The following SUMF2 variants were observed in gnomAD, a reference collection of about 807,000 sequenced individuals.
SUMF2 encodes inactive C-alpha-formylglycine-generating enzyme 2.
In SUMF2, 45 loss-of-function variants were observed where a neutral mutation model predicts 44.8. That is an observed-to-expected ratio of 1.00 (90% CI 0.79 to 1.29). SUMF2 has a LOEUF of 1.29. SUMF2 is among the 50% of genes most tolerant of loss of function. SUMF2 has a pLI of 0.00. For missense variants in SUMF2, 418 were observed against 389.9 expected, an observed-to-expected ratio of 1.07 and a Z score of -0.61; for synonymous variants, 148 against 150.4, an observed-to-expected ratio of 0.98 and a Z score of 0.12.
At position 56,078,476 on chromosome 7, in the gene SUMF2, C is replaced by T. The variant is rs1480458970; in HGVS notation, c.789C>T (p.Gly263=). The T allele has an allele frequency of 2.5e-6, 4 of 1,593,602 alleles. No individual in the cohort carries two copies. The highest frequency in any genetic ancestry group is 3.5e-5 in the Admixed American group (2 of 57,102). The change falls in exon 8 of 9, where the codon GGC becomes GGT. Residue 263 remains glycine (G), a synonymous_variant. Coordinates refer to ENST00000434526, the MANE Select transcript of SUMF2 (RefSeq NM_015411.4). ...RGASWIDTAD[G]SANHRARVTT... is the part of the protein sequence containing the mutation. ...CATCCTGGATCGACACAGCTGATGG[C>T]TCTGCCAATCACCGGGCCCGGGTCA...
chr7:56,080,639 G>A lies in SUMF2; in HGVS notation c.*1027G>A, dbSNP rs2117522675. 1 of 217,986 alleles carries A rather than the reference G, an allele frequency of 4.6e-6. No individual in the cohort carries two copies. Among genetic ancestry groups the A allele is most frequent in the South Asian group, 7.3e-5 (1 of 13,668 alleles). 13.5% of individuals were successfully genotyped at this position (217,986 alleles called of 1,614,324 possible). The stretch of plus-strand genomic sequence containing the variant: ...CCACACTGTCACTGGATGTCATGGG[G>A]CCAATAAAATCTCCTGCAATTGTGT... On this transcript the variant is annotated 3_prime_UTR_variant, in exon 9 of 9. Coordinates refer to ENST00000434526, the MANE Select transcript of SUMF2 (RefSeq NM_015411.4).
intron 2 of SUMF2, among the ~76,000 whole-genome samples, chr7:56,072,737 A>G (rs1421616773): frequency 6.9e-6 from 1 of 145,850 alleles, no homozygotes; most frequent in Admixed American, 6.7e-5. Flanking sequence ...TAAATACACA[A>G]ATAAACAAAC....
downstream of SUMF2, chr7:56,084,334 ACCCCAG>A (rs1796157625): frequency 3.0e-6 from 2 of 675,882 alleles, no homozygotes; most frequent in Non-Finnish European, 5.0e-6. Flanking sequence ...CTGGCCCAGG[ACCCCAG>A]ACCCAGATCA....
At chr7:56,087,096 C>G in the SUMF2 span, 1 of 1,173,040 alleles carries the variant, frequency 8.5e-7, no homozygotes, top group Non-Finnish European at 1.3e-6. Flanking sequence ...GCACGGGGGT[C>G]AGGGACCGAG....
chr7:56,087,115 G>C, the SUMF2 span: 1 of 924,382 alleles, frequency 1.1e-6, no homozygotes, highest in East Asian at 2.4e-5. Flanking sequence ...AGGCTGCTGT[G>C]GGCTAACTTC....
At chr7:56,087,053 A>T in the SUMF2 span, 1 of 1,594,114 alleles carries the variant, frequency 6.3e-7, no homozygotes, top group African/African-American at 1.3e-5. Context: ...GCTTGTCTCA[A>T]GTAGCAGGGG....
chr7:56,065,253 C>T (rs1019516481), intron 1 of SUMF2, among the ~76,000 whole-genome samples: 14 of 151,584 alleles, frequency 9.2e-5, no homozygotes, highest in Non-Finnish European at 1.5e-4. Flanking sequence ...CCCGCCCCCA[C>T]GTACTCGGCC....
At chr7:56,087,510 G>C in the SUMF2 span, 7 of 1,326,080 alleles carry the variant, frequency 5.3e-6, no homozygotes, top group Non-Finnish European at 7.4e-6. Flanking sequence ...CTAGTTGGCT[G>C]TGCGGTGGGG....
chr7:56,068,536 G>T lies in SUMF2; in HGVS notation c.122G>T (p.Gly41Val). ...VQLQGGRFLMGTNSPDSRDGD... is the reference protein window; with the variant it reads ...VQLQGGRFLMVTNSPDSRDGD... ...CTGCAGGGTGGGAGATTCCTGATGG[G>T]AACAAATTCTCCAGACAGCAGAGAT... is the stretch of plus-strand genomic sequence containing the variant. The change falls in exon 2 of 9, where the codon GGA (glycine) becomes GTA (valine). Residue 41 changes from glycine to valine, a missense_variant. Coordinates refer to ENST00000434526, the MANE Select transcript of SUMF2 (RefSeq NM_015411.4). 1 of 1,613,918 alleles carries T rather than the reference G, an allele frequency of 6.2e-7. No homozygotes were observed. The highest frequency in any genetic ancestry group is 8.5e-7 in the Non-Finnish European group (1 of 1,179,962).
At chr7:56,085,254 C>A (rs1382455122), downstream of SUMF2, among the ~76,000 whole-genome samples, 1 of 151,990 alleles carries the variant, frequency 6.6e-6, no homozygotes, top group African/African-American at 2.4e-5. Flanking sequence ...AACCACCATG[C>A]CTGGCCTTAA....
At chr7:56,082,783 A>G (rs1796073153), downstream of SUMF2, among the ~76,000 whole-genome samples, 1 of 152,042 alleles carries the variant, frequency 6.6e-6, no homozygotes, top group Admixed American at 6.6e-5. Flanking sequence ...AACAAGGGTA[A>G]TGGGAACCTG....
chr7:56,064,487 AGCGGCAGGCTGGGGAGGTAGCTCTCGGT>A lies in SUMF2; in HGVS notation c.67+113_67+140del. On this transcript the variant is annotated intron_variant, in intron 1 of 8. Coordinates refer to ENST00000434526, the MANE Select transcript of SUMF2 (RefSeq NM_015411.4). ...CTGCCGGCTTCCGGGATGCGGCTGC[AGCGGCAGGCTGGGGAGGTAGCTCTCGGT>A]GCGCGTGGCGCCTCACCGCCTTATA... 2.1e-6 allele frequency: 3 copies of A among 1,439,572 alleles called. No homozygotes were observed. The South Asian group carries it at 4.1e-5, about 20-fold the overall frequency. The allele number at this position is 1,439,572 out of a possible 1,614,324, so 89.2% of individuals were successfully genotyped here.
chr7:56,064,354 C>G lies in SUMF2; in HGVS notation c.43C>G (p.Leu15Val), dbSNP rs1481707686. ...GLPLLPLLSL[L>V]VGAWLKLGNG... ...ACCGCTGCTGCCCCTGCTGTCGCTC[C>G]TGGTCGGCGCGTGGCTCAAGCTAGG... The change falls in exon 1 of 9, where the codon CTG becomes GTG. Residue 15 changes from leucine to valine, a missense_variant. Physicochemically the swap from Leu to Val is conservative, Grantham distance 32. Transcript: ENST00000434526. 3 of 1,604,108 alleles carry G rather than the reference C, an allele frequency of 1.9e-6. No individual in the cohort carries two copies. Among genetic ancestry groups the G allele is most frequent in the South Asian group, 2.2e-5 (2 of 89,384 alleles).
At chr7:56,070,817 C>A (rs138377184) in intron 2 of SUMF2, among the ~76,000 whole-genome samples, 10 of 151,898 alleles carry the variant, frequency 6.6e-5, no homozygotes, top group Non-Finnish European at 1.5e-4. Context: ...TACTACTCAT[C>A]GATAAAAAGG....
At chr7:56,079,135 G>C in intron 8 of SUMF2, 2 of 480,086 alleles carry the variant, frequency 4.2e-6, no homozygotes, top group Non-Finnish European at 3.7e-6. Context: ...TGGCCTCCCA[G>C]AATGCTAGGA....
downstream of SUMF2, chr7:56,084,124 G>A (rs1306605309): frequency 9.8e-6 from 13 of 1,324,600 alleles, no homozygotes; most frequent in South Asian, 2.5e-5. Context: ...AATGGGCCCC[G>A]AGCTGGTGGC....
chr7:56,086,548 G>A, the SUMF2 span, among the ~76,000 whole-genome samples: 1 of 151,984 alleles, frequency 6.6e-6, no homozygotes, highest in South Asian at 2.1e-4. Flanking sequence ...GAGTTCAACG[G>A]CGTGATCTCG....
At chr7:56,064,631 T>G (rs1167070004) in intron 1 of SUMF2, among the ~76,000 whole-genome samples, 1 of 150,740 alleles carries the variant, frequency 6.6e-6, no homozygotes, top group African/African-American at 2.4e-5. Context: ...CCCAGCACTT[T>G]GGGAGGCCGA....
chr7:56,079,413 C>A, intron 8 of SUMF2, 115 bp from the exon 9 acceptor site: 1 of 1,060,748 alleles, frequency 9.4e-7, no homozygotes, highest in South Asian at 1.5e-5. Flanking sequence ...ATGCTCTCCC[C>A]AGCCCTCATG....
Sources: gnomAD v4.1 joint callset for allele counts (sites outside exome capture counted in the v4.1 genomes callset) on GRCh38, gnomAD v4.1.1 for gene constraint, MANE v1.5 for transcripts, NCBI Gene and HGNC (gene_info 2026-07-23, HGNC 2026-07-21) for gene names.